The following VSIG1 variants were observed in gnomAD, a reference collection of about 807,000 sequenced individuals.
The protein encoded by VSIG1 is V-set and immunoglobulin domain containing 1.
In VSIG1, 11 loss-of-function variants were observed where a neutral mutation model predicts 20.1. The ratio of observed to expected loss-of-function variants is 0.55; its 90% confidence interval spans 0.34 to 0.91. The LOEUF (loss-of-function observed/expected upper bound fraction) is 0.91. Ranked by LOEUF, VSIG1 falls within the 40% of genes least tolerant of loss-of-function variation. The pLI is 0.02. For missense variants in VSIG1, 283 were observed against 298.8 expected, an observed-to-expected ratio of 0.95 and a Z score of 0.39; for synonymous variants, 126 against 116.7, an observed-to-expected ratio of 1.08 and a Z score of -0.52.
chrX:108,024,835 T>C, the VSIG1 span, among the ~76,000 whole-genome samples: 1 of 111,883 alleles, frequency 8.9e-6, no homozygotes, highest in African/African-American at 3.2e-5. Flanking sequence ...TTTAATCTTT[T>C]AAAATTCATT....
At chrX:108,074,831 G>A (rs1378944556) in intron 5 of VSIG1, among the ~76,000 whole-genome samples, 2 of 111,575 alleles carry the variant, frequency 1.8e-5, no homozygotes, top group East Asian at 5.6e-4. Flanking sequence ...TCATGATGGG[G>A]GAAGAGAATG....
At chrX:108,064,228 TACTTTACTTCTTACAGAGA>T (rs1444231378) in intron 2 of VSIG1, among the ~76,000 whole-genome samples, 1 of 111,853 alleles carries the variant, frequency 8.9e-6, no homozygotes, top group Non-Finnish European at 1.9e-5. Flanking sequence ...TACCCCTAGG[TACTTTACTTCTTACAGAGA>T]ACTGTGAAGC....
At position 108,066,902 on chromosome X, in the gene VSIG1, C is replaced by A. The variant is rs762481464; in HGVS notation, c.214-34C>A. 6.0e-6 allele frequency: 7 copies of A among 1,176,392 alleles called. No individual in the cohort carries two copies. In the African/African-American group the frequency reaches 1.1e-4, roughly 18 times the overall value. ...GTAGCTTATCCTAGTCCTGGACTCTCTCCAGTTCTCACTTCTGTTATTTTT... is the reference window on the plus strand; with the variant it reads ...GTAGCTTATCCTAGTCCTGGACTCTATCCAGTTCTCACTTCTGTTATTTTT... On this transcript the variant is annotated intron_variant, in intron 2 of 6. Transcript: ENST00000217957.
intron 2 of VSIG1, among the ~76,000 whole-genome samples, chrX:108,063,263 G>A (rs1448049018): frequency 9.0e-6 from 1 of 111,560 alleles, no homozygotes; most frequent in East Asian, 2.8e-4. Flanking sequence ...GGTTGCCCAG[G>A]AATCATCTTT....
chrX:108,053,599 CAA>C (rs2030831277), intron 1 of VSIG1, among the ~76,000 whole-genome samples: 1 of 111,579 alleles, frequency 9.0e-6, no homozygotes, highest in African/African-American at 3.2e-5. Flanking sequence ...AAACAAAAAA[CAA>C]ATAATAAAAT....
chrX:108,022,802 A>G, the VSIG1 span, among the ~76,000 whole-genome samples: 15 of 111,901 alleles, frequency 1.3e-4, no homozygotes, highest in Non-Finnish European at 2.4e-4. Flanking sequence ...TGGATCACTC[A>G]TGAATGGCTT....
intron 2 of VSIG1, chrX:108,064,765 A>T (rs753959651): frequency 6.7e-5 from 50 of 751,483 alleles, no homozygotes; most frequent in Non-Finnish European, 1.6e-5. Context: ...GGCACTCTTG[A>T]TGGACAGCAG....
upstream of VSIG1, among the ~76,000 whole-genome samples, chrX:108,040,837 TATC>T (rs773145384): frequency 6.3e-5 from 7 of 111,074 alleles, no homozygotes; most frequent in African/African-American, 2.3e-4. Context: ...TGTACAGTAT[TATC>T]ATCTTTATGT....
chrX:108,039,445 T>C, the VSIG1 span, among the ~76,000 whole-genome samples: 1 of 111,837 alleles, frequency 8.9e-6, no homozygotes, highest in Admixed American at 9.5e-5. Context: ...TCCACCCGTC[T>C]CAGTCTCTCA....
chrX:108,054,649 G>T (rs1448127140), intron 1 of VSIG1, among the ~76,000 whole-genome samples: 1 of 110,480 alleles, frequency 9.1e-6, no homozygotes, highest in Non-Finnish European at 1.9e-5. Context: ...AATGAAACTA[G>T]AAATCTGTAG....
chrX:108,072,022 A>G (rs1393271605), intron 3 of VSIG1, among the ~76,000 whole-genome samples: 1 of 110,797 alleles, frequency 9.0e-6, no homozygotes, highest in Non-Finnish European at 1.9e-5. Context: ...GTGCTTTTAA[A>G]GCATAAACTA....
At chrX:108,031,997 A>C in the VSIG1 span, among the ~76,000 whole-genome samples, 3 of 111,986 alleles carry the variant, frequency 2.7e-5, no homozygotes, top group African/African-American at 9.7e-5. Context: ...TGTTGCCCAG[A>C]GGAGCCTTTT....
chrX:108,031,148 A>G, the VSIG1 span, among the ~76,000 whole-genome samples: 14 of 111,563 alleles, frequency 1.3e-4, no homozygotes, highest in African/African-American at 4.2e-4. Flanking sequence ...CAGGTCCTCC[A>G]TCCCTTAGCC....
At chrX:108,071,600 C>T (rs888188175) in intron 3 of VSIG1, among the ~76,000 whole-genome samples, 2 of 110,638 alleles carry the variant, frequency 1.8e-5, no homozygotes, top group Non-Finnish European at 1.9e-5. Flanking sequence ...GTCACCCCTT[C>T]ACCTAAAACC....
At chrX:108,064,089 T>C (rs935171502) in intron 2 of VSIG1, among the ~76,000 whole-genome samples, 6 of 112,502 alleles carry the variant, frequency 5.3e-5, no homozygotes, top group African/African-American at 1.6e-4. Context: ...GTTGTAGCCC[T>C]TCCTATATGA....
chrX:108,061,564 ACTT>A lies in VSIG1; in HGVS notation c.213+3368_213+3370del. The A allele has an allele frequency of 2.7e-6, 3 of 1,111,673 alleles. No homozygotes were observed. The South Asian group carries it at 5.9e-5, about 22-fold the overall frequency. The allele number at this position is 1,111,673 out of a possible 1,213,427, so 91.6% of individuals were successfully genotyped here. ...AGAACACTTATTGGTGTACTACTGG[ACTT>A]CTTCATTGTTTGGAGACTCCAGGGC... On this transcript the variant is annotated intron_variant, in intron 2 of 6. Coordinates refer to ENST00000217957, the MANE Select transcript of VSIG1 (RefSeq NM_182607.5).
chrX:108,077,095 G>A lies in VSIG1; in HGVS notation c.878G>A (p.Arg293Lys). Residue 293 changes from arginine to lysine, a missense_variant, in exon 7 of 7, where the codon AGA becomes AAA. Arg to Lys is a conservative substitution (Grantham distance 26, BLOSUM62 2). Transcript: ENST00000217957. ...AGGGGAGAAAGCGAAGCAATGCCAA[G>A]AGAAGACGCTACCCAACTAGAAGTA... ...NPRGESEAMP[R>K]EDATQLEVTL... is the part of the protein sequence containing the mutation. The A allele has an allele frequency of 9.1e-6, 11 of 1,211,523 alleles. No individual in the cohort carries two copies. Among genetic ancestry groups the A allele is most frequent in the Non-Finnish European group, 1.2e-5 (11 of 895,398 alleles).
At chrX:108,049,572 T>C (rs2030741781) in intron 1 of VSIG1, among the ~76,000 whole-genome samples, 1 of 112,054 alleles carries the variant, frequency 8.9e-6, no homozygotes, top group Non-Finnish European at 1.9e-5. Flanking sequence ...TTGTGGGGTT[T>C]TGTTTATTGT....
chrX:108,047,224 A>G (rs1327219904), intron 1 of VSIG1, among the ~76,000 whole-genome samples: 1 of 111,823 alleles, frequency 8.9e-6, no homozygotes, highest in East Asian at 2.8e-4. Flanking sequence ...TACTTTCCCA[A>G]ATTCCAAACA....
Sources: allele counts gnomAD v4.1 joint callset (sites outside exome capture counted in the v4.1 genomes callset), GRCh38; gene constraint gnomAD v4.1.1; transcripts MANE v1.5; gene names NCBI Gene and HGNC (gene_info 2026-07-23, HGNC 2026-07-21).